The following DIPK1A variants were observed in gnomAD, a reference collection of about 807,000 sequenced individuals.
The protein encoded by DIPK1A is family with sequence similarity 69 member A.
Under a neutral mutation model 40.8 loss-of-function variants are expected in DIPK1A, and 27 were observed. The observed-to-expected ratio is 0.66, with a 90% confidence interval of 0.49 to 0.91. The LOEUF (loss-of-function observed/expected upper bound fraction) is 0.91, where lower values mean the gene tolerates loss of function less well. Among genes scored for constraint, DIPK1A ranks in the 40% least tolerant of loss-of-function variants. The probability of loss-of-function intolerance (pLI) is 0.00; values close to 1 mark genes in which losing one functional copy is unlikely to be tolerated. For missense variants in DIPK1A, 412 were observed against 505.7 expected (o/e 0.81, Z 1.78); for synonymous variants, 166 against 171.3 (o/e 0.97, Z 0.24).
Position 92,916,055 on chromosome 1 carries a change from A to G in DIPK1A, c.55-39625T>C, listed in dbSNP as rs905021789. ...ATGATTCCATTTATATGAAATGTCT[A>G]GAACAGGCAAATCCATAGAGACAGC... is the stretch of plus-strand genomic sequence containing the variant. On this transcript the variant is annotated intron_variant, in intron 1 of 4. Coordinates refer to ENST00000370310, the MANE Select transcript of DIPK1A (RefSeq NM_001006605.5). Among the ~76,000 whole-genome samples, 5 of 152,316 alleles carry G rather than the reference A, an allele frequency of 3.3e-5. No individual in the cohort carries two copies. In the South Asian group the frequency reaches 6.2e-4, roughly 19 times the overall value.
chr1:92,867,094 C>T (rs975976012), intron 2 of DIPK1A, among the ~76,000 whole-genome samples: 9 of 152,092 alleles, frequency 5.9e-5, no homozygotes, highest in South Asian at 4.1e-4. Flanking sequence ...TTTATCCTTA[C>T]GACCACCTGA....
chr1:92,933,013 A>C (rs1650818188), intron 1 of DIPK1A: 2 of 152,200 alleles, frequency 1.3e-5, no homozygotes, highest in Non-Finnish European at 2.9e-5. Flanking sequence ...ATAGTGGAGG[A>C]GGCTGTACAT....
downstream of DIPK1A, chr1:92,837,293 AATG>A (rs1158626405): frequency 1.3e-6 from 1 of 782,398 alleles, no homozygotes; most frequent in Non-Finnish European, 2.4e-6. Flanking sequence ...TGAGCTGCTG[AATG>A]ATGATATCCC....
chr1:92,922,926 C>CT lies in DIPK1A; in HGVS notation c.54+38449dup, dbSNP rs772278368. On this transcript the variant is annotated intron_variant, in intron 1 of 4. Coordinates refer to ENST00000370310, the MANE Select transcript of DIPK1A (RefSeq NM_001006605.5). ...CCATCTCCCTCACAGTTTTCATCTC[C>CT]TTTTTTTTTTTTCCTCTGCATTCTG... Among the ~76,000 whole-genome samples the CT allele has an allele frequency of 7.9e-3, 1,157 of 146,158 alleles. 7 individuals carry two copies. Among genetic ancestry groups the CT allele is most frequent in the African/African-American group, 0.017 (677 of 40,122 alleles).
At chr1:92,864,251 T>C (rs1326120409) in intron 2 of DIPK1A, among the ~76,000 whole-genome samples, 2 of 152,224 alleles carry the variant, frequency 1.3e-5, no homozygotes, top group East Asian at 1.9e-4. Context: ...ATTGAAAACA[T>C]GGTTCCAAAT....
chr1:92,959,903 C>CTTTTTTTTTTTTTTTTTTTTTTTT lies in DIPK1A; in HGVS notation c.54+1449_54+1472dup, dbSNP rs1157142089. Reference sequence around the variant, plus strand: ...GCTGGGACCACAGGCACCCAACCAACTTTTTTTTTTTTTTTTTTTTTTTTG... The same window carrying CTTTTTTTTTTTTTTTTTTTTTTTT: ...GCTGGGACCACAGGCACCCAACCAACTTTTTTTTTTTTTTTTTTTTTTTTTTTTTTTTTTTTTTTTTTTTTTTTG... On this transcript the variant is annotated intron_variant, in intron 1 of 4. Transcript: ENST00000370310. Among the ~76,000 whole-genome samples the CTTTTTTTTTTTTTTTTTTTTTTTT allele has an allele frequency of 4.4e-4, 21 of 47,872 alleles. 1 individual carries two copies. Among genetic ancestry groups the CTTTTTTTTTTTTTTTTTTTTTTTT allele is most frequent in the African/African-American group, 1.2e-3 (11 of 9,078 alleles). 31.4% of individuals were successfully genotyped at this position (47,872 alleles called of 152,430 possible).
chr1:92,875,514 C>T (rs751694792), intron 2 of DIPK1A, among the ~76,000 whole-genome samples: 1 of 151,982 alleles, frequency 6.6e-6, no homozygotes, highest in Non-Finnish European at 1.5e-5. Context: ...GCTAGGAGTT[C>T]AAGACCAGCC....
intron 1 of DIPK1A, among the ~76,000 whole-genome samples, chr1:92,910,272 C>T (rs1306531760): frequency 2.0e-5 from 3 of 152,112 alleles, no homozygotes; most frequent in African/African-American, 7.2e-5. Context: ...TTGTTGATCT[C>T]TTGAGTCAGA....
At chr1:92,932,126 C>A in intron 1 of DIPK1A, 1 of 256,902 alleles carries the variant, frequency 3.9e-6, no homozygotes, top group South Asian at 4.4e-5. Context: ...TACGAGCTCG[C>A]AAATATGTAA....
At chr1:92,953,892 T>C (rs1016687072) in intron 1 of DIPK1A, among the ~76,000 whole-genome samples, 1 of 152,120 alleles carries the variant, frequency 6.6e-6, no homozygotes, top group Non-Finnish European at 1.5e-5. Context: ...GATAGCAAAT[T>C]TTATGTGCTT....
intron 1 of DIPK1A, among the ~76,000 whole-genome samples, chr1:92,926,981 CA>C (rs1243973180): frequency 1.3e-5 from 2 of 152,044 alleles, no homozygotes; most frequent in Non-Finnish European, 2.9e-5. Context: ...AGTTGATTTA[CA>C]TTTGATTTGG....
intron 1 of DIPK1A, among the ~76,000 whole-genome samples, chr1:92,888,876 T>C (rs1361447372): frequency 6.6e-6 from 1 of 152,216 alleles, no homozygotes; most frequent in Non-Finnish European, 1.5e-5. Context: ...GTTATTGTTG[T>C]TGGTTTGCTG....
chr1:92,900,776 C>T (rs1649381665), intron 1 of DIPK1A, among the ~76,000 whole-genome samples: 2 of 152,186 alleles, frequency 1.3e-5, no homozygotes, highest in South Asian at 4.2e-4. Context: ...ATTATAGCTA[C>T]AACCTAGCCC....
At chr1:92,894,258 G>A (rs1649057901) in intron 1 of DIPK1A, among the ~76,000 whole-genome samples, 1 of 152,036 alleles carries the variant, frequency 6.6e-6, no homozygotes, top group Non-Finnish European at 1.5e-5. Context: ...TGGAAGTAAA[G>A]CACTCCTCAT....
At chr1:92,876,240 G>T in intron 2 of DIPK1A, 56 bp downstream of exon 2, 1 of 1,120,068 alleles carries the variant, frequency 8.9e-7, no homozygotes, top group Non-Finnish European at 1.2e-6. Context: ...TATGTAAGCA[G>T]TAAATATAGT....
intron 1 of DIPK1A, among the ~76,000 whole-genome samples, chr1:92,952,699 A>G (rs1651679539): frequency 6.6e-6 from 1 of 152,128 alleles, no homozygotes; most frequent in South Asian, 2.1e-4. Context: ...CATTGATACA[A>G]TACTACTATC....
intron 4 of DIPK1A, chr1:92,833,149 TTTA>T: frequency 1.5e-6 from 1 of 666,136 alleles, no homozygotes; most frequent in South Asian, 1.7e-5. Flanking sequence ...GTATGTTTCT[TTTA>T]TTCCATATTT....
At chr1:92,905,870 T>C (rs1649599814) in intron 1 of DIPK1A, among the ~76,000 whole-genome samples, 1 of 152,192 alleles carries the variant, frequency 6.6e-6, no homozygotes, top group Admixed American at 6.5e-5. Context: ...GACCATTTAT[T>C]GAAGACACTG....
At chr1:92,934,591 T>C (rs1004005736) in intron 1 of DIPK1A, among the ~76,000 whole-genome samples, 2 of 152,204 alleles carry the variant, frequency 1.3e-5, no homozygotes, top group Non-Finnish European at 2.9e-5. Flanking sequence ...TGAGTCAGCA[T>C]ATACTGGAAG....
Sources: gnomAD v4.1 joint callset for allele counts (sites outside exome capture counted in the v4.1 genomes callset) on GRCh38, gnomAD v4.1.1 for gene constraint, MANE v1.5 for transcripts, NCBI Gene and HGNC (gene_info 2026-07-23, HGNC 2026-07-21) for gene names.